The following FEN1 variants were observed in gnomAD, a reference collection of about 807,000 sequenced individuals.
FEN1 encodes the protein flap endonuclease 1.
Under a neutral mutation model 24.7 loss-of-function variants are expected in FEN1, and 19 were observed. The ratio of observed to expected loss-of-function variants is 0.77; its 90% confidence interval spans 0.54 to 1.13. The LOEUF (loss-of-function observed/expected upper bound fraction) is 1.13. Among genes scored for constraint, FEN1 ranks in the 50% most tolerant of loss-of-function variants. The pLI is 0.00. For synonymous variants in FEN1, 155 were observed against 189.2 expected, an observed-to-expected ratio of 0.82 and a Z score of 1.48; for missense variants, 339 against 488.7, an observed-to-expected ratio of 0.69 and a Z score of 2.89.
Position 61,796,770 on chromosome 11 carries a change from A to G in FEN1, c.*266A>G, listed in dbSNP as rs1257196734. 2.2e-6 allele frequency: 1 copy of G among 445,060 alleles called. No homozygotes were observed. The highest frequency in any genetic ancestry group is 2.0e-5 in the African/African-American group (1 of 49,772). 27.6% of individuals were successfully genotyped at this position (445,060 alleles called of 1,614,324 possible). The stretch of plus-strand genomic sequence containing the variant: ...TAATGGACACTAAGTCCATTGTTAC[A>G]TGAAAGTGATAGATAGCAACAAGTT... On this transcript the variant is annotated 3_prime_UTR_variant, in exon 2 of 2. Coordinates refer to ENST00000305885, the MANE Select transcript of FEN1 (RefSeq NM_004111.6).
rs143656292 is a variant in FEN1 at position 61,794,420 on chromosome 11, C to T, written c.-21-921C>T. ...AGGATGGCAAGATGATTTTAAATTG[C>T]ACCCCCTAAAAATCCTTTTTAATAG... is the stretch of plus-strand genomic sequence containing the variant. On this transcript the variant is annotated intron_variant, in intron 1 of 1. Coordinates refer to ENST00000305885, the MANE Select transcript of FEN1 (RefSeq NM_004111.6). Among the ~76,000 whole-genome samples, 503 of 151,858 alleles carry T rather than the reference C, an allele frequency of 3.3e-3. 1 individual carries two copies. Among genetic ancestry groups the T allele is most frequent in the African/African-American group, 0.012 (480 of 41,378 alleles).
Position 61,795,343 on chromosome 11 carries a change from A to T in FEN1, c.-19A>T. ...TCTGACTTGCCTTTCTTTTTTAGTC[A>T]TCCCTCCTCTGTGTTGCCATGGGAA... is the stretch of plus-strand genomic sequence containing the variant. On this transcript the variant is annotated splice_region_variant and 5_prime_UTR_variant, in exon 2 of 2. Coordinates refer to ENST00000305885, the MANE Select transcript of FEN1 (RefSeq NM_004111.6). This position sits in a 1 kb window ranked among gnomAD's most constrained non-coding sequence, Gnocchi z 4.1. 1 of 1,564,872 alleles carries T rather than the reference A, an allele frequency of 6.4e-7. No homozygotes were observed. The highest frequency in any genetic ancestry group is 8.7e-7 in the Non-Finnish European group (1 of 1,152,736).
Position 61,796,453 on chromosome 11 carries a change from TAAG to T in FEN1, c.1099_1101del (p.Lys367del), listed in dbSNP as rs757647663. On this transcript the variant is annotated inframe_deletion, in exon 2 of 2. Transcript: ENST00000305885. ...AGGAGCCAGAACCCAAGGGATCCAC[TAAG>T]AAGAAGGCAAAGACTGGGGCAGCAG... 5 of 1,612,630 alleles carry T rather than the reference TAAG, an allele frequency of 3.1e-6. No individual in the cohort carries two copies. In the African/African-American group the frequency reaches 4.0e-5, roughly 13 times the overall value.
Position 61,795,936 on chromosome 11 carries a change from G to A in FEN1, c.575G>A (p.Arg192Gln), listed in dbSNP as rs778764875. The A allele has an allele frequency of 5.9e-5, 96 of 1,613,950 alleles. No homozygotes were observed. The South Asian group carries it at 9.1e-4, about 15-fold the overall frequency. ...ACCTTCGGCAGCCCTGTGCTAATGC[G>A]ACACCTGACTGCCAGTGAAGCCAAA... ...CLTFGSPVLM[R>Q]HLTASEAKKL... Residue 192 changes from arginine (R) to glutamine (Q), a missense_variant, in exon 2 of 2, where the codon CGA (arginine) becomes CAA (glutamine). Arg to Gln is a conservative substitution (Grantham distance 43, BLOSUM62 1). Transcript: ENST00000305885. This position sits in a 1 kb window ranked among gnomAD's most constrained non-coding sequence, Gnocchi z 4.1.
At position 61,795,036 on chromosome 11, in the gene FEN1, G is replaced by C. The variant is rs2066811598; in HGVS notation, c.-21-305G>C. ...CTGGCCTTCTGTGGTCCTTGATGGAGACCTATGTTGCAGGTTTTTTTTGTG... is the reference window on the plus strand; with the variant it reads ...CTGGCCTTCTGTGGTCCTTGATGGACACCTATGTTGCAGGTTTTTTTTGTG... On this transcript the variant is annotated intron_variant, in intron 1 of 1. Transcript: ENST00000305885. The surrounding 1 kb of genome is among the most constrained non-coding windows in gnomAD (Gnocchi z 4.1). Among the ~76,000 whole-genome samples the C allele has an allele frequency of 6.6e-6, 1 of 152,184 alleles. No homozygotes were observed. Among genetic ancestry groups the C allele is most frequent in the Non-Finnish European group, 1.5e-5 (1 of 68,038 alleles).
Position 61,796,178 on chromosome 11 carries a change from A to T in FEN1, c.817A>T (p.Asn273Tyr). ...LDPNKYPVPENWLHKEAHQLF... is the reference protein window; with the variant it reads ...LDPNKYPVPEYWLHKEAHQLF... ...CCCCAACAAGTACCCTGTGCCAGAAAATTGGCTCCACAAGGAGGCTCACCA... is the reference window on the plus strand; with the variant it reads ...CCCCAACAAGTACCCTGTGCCAGAATATTGGCTCCACAAGGAGGCTCACCA... Residue 273 changes from asparagine to tyrosine, a missense_variant, in exon 2 of 2, where the codon AAT becomes TAT. This residue lies in a region of FEN1 where 70 missense variants were observed against 64.9 expected (regional missense o/e 1.08). Transcript: ENST00000305885. 2.5e-6 allele frequency: 4 copies of T among 1,613,864 alleles called. No homozygotes were observed. Among genetic ancestry groups the T allele is most frequent in the Non-Finnish European group, 3.4e-6 (4 of 1,180,040 alleles).
At chr11:61,793,441 TTCTG>T (rs2066801186) in intron 1 of FEN1, among the ~76,000 whole-genome samples, 1 of 152,302 alleles carries the variant, frequency 6.6e-6, no homozygotes, top group Admixed American at 6.5e-5. Context: ...CATTAGAGGT[TTCTG>T]TCTGTTGTCT....
rs2066823383 is a variant in FEN1 at position 61,796,874 on chromosome 11, A to C, written c.*370A>C. 3.9e-6 allele frequency: 1 copy of C among 257,456 alleles called. No homozygotes were observed. Among genetic ancestry groups the C allele is most frequent in the Non-Finnish European group, 8.2e-6 (1 of 122,058 alleles). 15.9% of individuals were successfully genotyped at this position (257,456 alleles called of 1,614,324 possible). Reference sequence around the variant, plus strand: ...TTTCCTGGCTGGCCAACTGGTGGCCAGTGGGAGGTGATGGTGGACCTAGAC... The same window carrying C: ...TTTCCTGGCTGGCCAACTGGTGGCCCGTGGGAGGTGATGGTGGACCTAGAC... On this transcript the variant is annotated 3_prime_UTR_variant, in exon 2 of 2. Transcript: ENST00000305885.
At position 61,796,664 on chromosome 11, in the gene FEN1, A is replaced by G; in HGVS notation, c.*160A>G. 1.2e-6 allele frequency: 1 copy of G among 800,726 alleles called. No individual in the cohort carries two copies. Among genetic ancestry groups the G allele is most frequent in the Non-Finnish European group, 1.9e-6 (1 of 513,610 alleles). 49.6% of individuals were successfully genotyped at this position (800,726 alleles called of 1,614,324 possible). A position where few individuals can be genotyped will look rare whatever the true frequency, so the allele number is the denominator to read the frequency against. Reference sequence around the variant, plus strand: ...GCTAGTCCCTTTTTTACTTGATCTTAATGGCAAGAAGGCCACAGAGGTACT... The same window carrying G: ...GCTAGTCCCTTTTTTACTTGATCTTGATGGCAAGAAGGCCACAGAGGTACT... On this transcript the variant is annotated 3_prime_UTR_variant, in exon 2 of 2. Transcript: ENST00000305885.
In FEN1 at chr11:61,797,057, G is replaced by A. The variant is rs895085788; in HGVS notation, c.*553G>A. 1 of 168,684 alleles carries A rather than the reference G, an allele frequency of 5.9e-6. No individual in the cohort carries two copies. The highest frequency in any genetic ancestry group is 2.4e-5 in the African/African-American group (1 of 41,446). 10.4% of individuals were successfully genotyped at this position (168,684 alleles called of 1,614,324 possible). A position where few individuals can be genotyped will look rare whatever the true frequency, so the allele number is the denominator to read the frequency against. ...GTGTTTGTGACTGATTACTGGCTGT[G>A]TCTTGGGTGGGCAGAAACTCGAACT... On this transcript the variant is annotated 3_prime_UTR_variant, in exon 2 of 2. Transcript: ENST00000305885.
At position 61,796,377 on chromosome 11, in the gene FEN1, G is replaced by T; in HGVS notation, c.1016G>T (p.Arg339Leu). 1 of 1,613,666 alleles carries T rather than the reference G, an allele frequency of 6.2e-7. No individual in the cohort carries two copies. The highest frequency in any genetic ancestry group is 8.5e-7 in the Non-Finnish European group (1 of 1,180,036). ...SKSRQGSTQG[R>L]LDDFFKVTGS... ...AGCCGCCAAGGCAGCACCCAGGGCCGCCTGGATGATTTCTTCAAGGTGACC... is the reference window on the plus strand; with the variant it reads ...AGCCGCCAAGGCAGCACCCAGGGCCTCCTGGATGATTTCTTCAAGGTGACC... The change falls in exon 2 of 2, where the codon CGC becomes CTC. Residue 339 changes from arginine (R) to leucine (L), a missense_variant. Transcript: ENST00000305885.
intron 1 of FEN1, among the ~76,000 whole-genome samples, chr11:61,793,642 C>T (rs2066803843): frequency 6.6e-6 from 1 of 152,136 alleles, no homozygotes. Context: ...ATGAATAATT[C>T]ATTGTCAATT....
rs2066825136 is a variant in FEN1 at position 61,797,199 on chromosome 11, A to G, written c.*695A>G. ...GGTTTTCATGCGCTGTTTTTGTTTTAAAGTTATGAAGAAAAAAGTCAATAA... is the reference window on the plus strand; with the variant it reads ...GGTTTTCATGCGCTGTTTTTGTTTTGAAGTTATGAAGAAAAAAGTCAATAA... On this transcript the variant is annotated 3_prime_UTR_variant, in exon 2 of 2. Transcript: ENST00000305885. The G allele has an allele frequency of 6.0e-6, 1 of 167,284 alleles. No homozygotes were observed. Among genetic ancestry groups the G allele is most frequent in the Non-Finnish European group, 1.5e-5 (1 of 68,130 alleles). 10.4% of individuals were successfully genotyped at this position (167,284 alleles called of 1,614,324 possible). A position where few individuals can be genotyped will look rare whatever the true frequency, so the allele number is the denominator to read the frequency against.
At position 61,795,197 on chromosome 11, in the gene FEN1, C is replaced by T. The variant is rs2066812200; in HGVS notation, c.-21-144C>T. The T allele has an allele frequency of 1.5e-6, 1 of 673,212 alleles. No individual in the cohort carries two copies. Among genetic ancestry groups the T allele is most frequent in the Admixed American group, 3.5e-5 (1 of 28,310 alleles). 41.7% of individuals were successfully genotyped at this position (673,212 alleles called of 1,614,324 possible). On this transcript the variant is annotated intron_variant, in intron 1 of 1. Coordinates refer to ENST00000305885, the MANE Select transcript of FEN1 (RefSeq NM_004111.6). The surrounding 1 kb of genome is among the most constrained non-coding windows in gnomAD (Gnocchi z 4.1). Reference sequence around the variant, plus strand: ...GACTGAGTTTTTTGAGAATGGGGACCTTGTTCATCTTTTTATCTTTAGCAG... The same window carrying T: ...GACTGAGTTTTTTGAGAATGGGGACTTTGTTCATCTTTTTATCTTTAGCAG...
At chr11:61,794,404 A>G (rs952072553) in intron 1 of FEN1, among the ~76,000 whole-genome samples, 7 of 152,174 alleles carry the variant, frequency 4.6e-5, no homozygotes, top group Admixed American at 1.3e-4. Flanking sequence ...CAGGATGGCA[A>G]GATGATTTTA....
rs759600121 is a variant in FEN1 at position 61,795,435 on chromosome 11, G to A, written c.74G>A (p.Ser25Asn). ...GCCATCCGGGAGAATGACATCAAGA[G>A]CTACTTTGGCCGTAAGGTGGCCATT... ...PSAIRENDIK[S>N]YFGRKVAIDA... The change falls in exon 2 of 2, where the codon AGC becomes AAC. Residue 25 changes from serine to asparagine, a missense_variant. Around this residue, in one of 3 missense-constraint regions of FEN1, gnomAD observed 216 missense variants for 329.7 expected, o/e 0.66. Transcript: ENST00000305885. The surrounding 1 kb of genome is among the most constrained non-coding windows in gnomAD (Gnocchi z 4.1). 2 of 1,614,188 alleles carry A rather than the reference G, an allele frequency of 1.2e-6. No homozygotes were observed. Among genetic ancestry groups the A allele is most frequent in the Non-Finnish European group, 8.5e-7 (1 of 1,180,032 alleles).
In FEN1 at chr11:61,796,267, T is replaced by C. The variant is rs2066819233; in HGVS notation, c.906T>C (p.Asn302=). ...ESVELKWSEP[N]EEELIKFMCG... is the part of the protein sequence containing the mutation. ...TGGAGCTGAAGTGGAGCGAGCCAAATGAAGAAGAGCTGATCAAGTTCATGT... is the reference window on the plus strand; with the variant it reads ...TGGAGCTGAAGTGGAGCGAGCCAAACGAAGAAGAGCTGATCAAGTTCATGT... The change falls in exon 2 of 2, where the codon AAT becomes AAC. Residue 302 remains asparagine, a synonymous_variant. Transcript: ENST00000305885. 6 of 1,612,434 alleles carry C rather than the reference T, an allele frequency of 3.7e-6. No homozygotes were observed. The highest frequency in any genetic ancestry group is 1.3e-5 in the African/African-American group (1 of 74,868).
chr11:61,794,200 C>T (rs566164410), intron 1 of FEN1, among the ~76,000 whole-genome samples: 7 of 152,090 alleles, frequency 4.6e-5, no homozygotes, highest in Non-Finnish European at 7.3e-5. Flanking sequence ...TTTTTTGAGA[C>T]GGAGTCTCAC....
At position 61,796,439 on chromosome 11, in the gene FEN1, C is replaced by T. The variant is rs1320250237; in HGVS notation, c.1078C>T (p.Pro360Ser). 3.1e-6 allele frequency: 5 copies of T among 1,613,190 alleles called. No individual in the cohort carries two copies. The highest frequency in any genetic ancestry group is 1.3e-5 in the African/African-American group (1 of 75,016). ...LSSAKRKEPEPKGSTKKKAKT... is the reference protein window; with the variant it reads ...LSSAKRKEPESKGSTKKKAKT... ...TTCAGCTAAGCGCAAGGAGCCAGAACCCAAGGGATCCACTAAGAAGAAGGC... is the reference window on the plus strand; with the variant it reads ...TTCAGCTAAGCGCAAGGAGCCAGAATCCAAGGGATCCACTAAGAAGAAGGC... The change falls in exon 2 of 2, where the codon CCC (proline) becomes TCC (serine). Residue 360 changes from proline to serine, a missense_variant. Pro to Ser is a moderately conservative substitution (Grantham distance 74). Transcript: ENST00000305885.
Sources: allele counts gnomAD v4.1 joint callset (sites outside exome capture counted in the v4.1 genomes callset), GRCh38; gene constraint gnomAD v4.1.1; regional missense constraint gnomAD v4.1.1; non-coding constraint Gnocchi (gnomAD v3.1); transcripts MANE v1.5; gene names NCBI Gene and HGNC (gene_info 2026-07-23, HGNC 2026-07-21).